LAMA5: variants seen among roughly 807,000 people sequenced by gnomAD.
LAMA5 encodes laminin subunit alpha 5.
A neutral mutation model predicts 433.4 loss-of-function variants in LAMA5; 260 were observed. That is an observed-to-expected ratio of 0.60 (90% CI 0.54 to 0.66). The LOEUF is 0.66. LAMA5 is among the 30% of genes least tolerant of loss of function. The pLI, the probability that LAMA5 is intolerant of heterozygous loss-of-function variation, is 0.00. For synonymous variants in LAMA5, 2,620 were observed against 2,226.6 expected (o/e 1.18, Z -4.97); for missense variants, 5,378 against 5,258.5 (o/e 1.02, Z -0.70).
At position 62,317,412 on chromosome 20, in the gene LAMA5, G is replaced by A. The variant is rs1476155092; in HGVS notation, c.7444C>T (p.Leu2482=). The A allele has an allele frequency of 1.2e-6, 2 of 1,608,188 alleles. No individual in the cohort carries two copies. Among genetic ancestry groups the A allele is most frequent in the African/African-American group, 2.7e-5 (2 of 74,812 alleles). ...GCCTCGGCGGCCTCCACTAGACGCA[G>A]CTTGCTGCCCGCCGGGGAGAAGGTC... ...MQTFSPAGSK[L]RLVEAAEAHA... is the part of the protein sequence containing the mutation. The change falls in exon 55 of 80, where the codon CTG becomes TTG. Residue 2482 remains leucine, a synonymous_variant. Coordinates refer to ENST00000252999, the MANE Select transcript of LAMA5 (RefSeq NM_005560.6).
chr20:62,354,501 G>A (rs1416749597), intron 2 of LAMA5, among the ~76,000 whole-genome samples: 5 of 151,980 alleles, frequency 3.3e-5, no homozygotes, highest in African/African-American at 1.2e-4. Context: ...ACACACACCC[G>A]CCCAACAGTG....
At chr20:62,366,880 T>G in intron 1 of LAMA5, 69 bp downstream of exon 1, 1 of 1,145,418 alleles carries the variant, frequency 8.7e-7, no homozygotes. Flanking sequence ...GCGCTCCCCC[T>G]GGGGTCGGGC....
At chr20:62,334,711 G>T (rs1981209161) in intron 20 of LAMA5, 90 bp from the exon 21 acceptor site, 8 of 1,108,510 alleles carry the variant, frequency 7.2e-6, no homozygotes, top group Non-Finnish European at 1.0e-5. Flanking sequence ...CCTGCCTGGG[G>T]CTCTCTGGAT....
chr20:62,330,825 G>A lies in LAMA5; in HGVS notation c.3770C>T (p.Ala1257Val), dbSNP rs777041530. The change falls in exon 30 of 80, where the codon GCC (alanine) becomes GTC (valine). Residue 1257 changes from alanine (A) to valine (V), a missense_variant. Physicochemically the swap from Ala to Val is moderately conservative, Grantham distance 64. Transcript: ENST00000252999. ...AGGTCGGGGTCCAGCTGGGGACATGGCTGGAGTGAGATCCTGCGCGTGGGT... is the reference window on the plus strand; with the variant it reads ...AGGTCGGGGTCCAGCTGGGGACATGACTGGAGTGAGATCCTGCGCGTGGGT... ...PLTHAQDLTP[A>V]MSPAGPRPRP... The A allele has an allele frequency of 1.9e-6, 3 of 1,546,000 alleles. No individual in the cohort carries two copies. Among genetic ancestry groups the A allele is most frequent in the East Asian group, 2.4e-5 (1 of 41,086 alleles).
Position 62,324,113 on chromosome 20 carries a change from C to A in LAMA5, c.5735G>T (p.Ser1912Ile). 6.6e-7 allele frequency: 1 copy of A among 1,520,088 alleles called. No homozygotes were observed. Among genetic ancestry groups the A allele is most frequent in the Non-Finnish European group, 8.8e-7 (1 of 1,136,818 alleles). 94.2% of individuals were successfully genotyped at this position (1,520,088 alleles called of 1,614,324 possible). ...AGGCACTGAGAGGGGGCAGGGGCAG[C>A]TGACACAGGGGGCGCTGGGGTCGTC... is the stretch of plus-strand genomic sequence containing the variant. ...SRDDPSAPCVSCPCPLSVPSN... is the reference protein window; with the variant it reads ...SRDDPSAPCVICPCPLSVPSN... The change falls in exon 43 of 80, where the codon AGC becomes ATC. Residue 1912 changes from serine to isoleucine, a missense_variant. By Grantham distance (142) the Ser-to-Ile change is moderately radical (BLOSUM62 -2). Transcript: ENST00000252999. The surrounding 1 kb of genome is among the most constrained non-coding windows in gnomAD (Gnocchi z 4.4).
chr20:62,317,454 G>C lies in LAMA5; in HGVS notation c.7402C>G (p.Leu2468Val), dbSNP rs1280447059. 21 of 1,590,260 alleles carry C rather than the reference G, an allele frequency of 1.3e-5. No homozygotes were observed. Among genetic ancestry groups the C allele is most frequent in the African/African-American group, 6.7e-5 (5 of 74,404 alleles). ...AASLDGARTP[L>V]LQRMQTFSPA... ...GAGAAGGTCTGCATCCTCTGCAGCA[G>C]TGGGGTCCGAGCCCCATCCAGGCTG... Residue 2468 changes from leucine (L) to valine (V), a missense_variant, in exon 55 of 80, where the codon CTG (leucine) becomes GTG (valine). Transcript: ENST00000252999.
chr20:62,366,247 C>T (rs1287392258), intron 1 of LAMA5, among the ~76,000 whole-genome samples: 1 of 152,216 alleles, frequency 6.6e-6, no homozygotes, highest in Non-Finnish European at 1.5e-5. Flanking sequence ...GGTGTCCATG[C>T]ATGGAGTCCA....
chr20:62,321,999 G>C lies in LAMA5; in HGVS notation c.6496+20C>G, dbSNP rs766518888. On this transcript the variant is annotated intron_variant, in intron 48 of 79. Coordinates refer to ENST00000252999, the MANE Select transcript of LAMA5 (RefSeq NM_005560.6). ...TTCCTACTCCATCAGGTGTGGGGAA[G>C]TGGGGTGTTGAGGACACACCTTCAC... 3.5e-5 allele frequency: 56 copies of C among 1,595,012 alleles called. No individual in the cohort carries two copies. Among genetic ancestry groups the C allele is most frequent in the Non-Finnish European group, 4.7e-5 (55 of 1,176,636 alleles).
rs768623312 is a variant in LAMA5, at chr20:62,322,063, A to G, written c.6452T>C (p.Val2151Ala). 1.2e-6 allele frequency: 2 copies of G among 1,600,202 alleles called. No individual in the cohort carries two copies. Among genetic ancestry groups the G allele is most frequent in the Non-Finnish European group, 1.7e-6 (2 of 1,179,468 alleles). ...GCCCACAGGCCCGCCTGGAACAGGC[A>G]CCTGATGCTGCTGGCTGCAGGTGTC... ...RCDTCSQQHQVPVPGGPVGHS... is the reference protein window; with the variant it reads ...RCDTCSQQHQAPVPGGPVGHS... The change falls in exon 48 of 80, where the codon GTG becomes GCG. Residue 2151 changes from valine (V) to alanine (A), a missense_variant. Physicochemically the swap from Val to Ala is moderately conservative, Grantham distance 64 (BLOSUM62 0). Transcript: ENST00000252999.
At chr20:62,317,243 C>G (rs559740707) in intron 55 of LAMA5, 102 bp downstream of exon 55, 1 of 1,308,880 alleles carries the variant, frequency 7.6e-7, no homozygotes, top group Non-Finnish European at 1.0e-6. Flanking sequence ...TTGAGGACAA[C>G]GGCCTCAGCC....
At position 62,320,706 on chromosome 20, in the gene LAMA5, G is replaced by A. The variant is rs753323352; in HGVS notation, c.6648+33C>T. ...GAAAGGTGAAGGCCTGCACTGGCCC[G>A]GGTTGGGGAGGGAAGGCCAGGACGC... is the stretch of plus-strand genomic sequence containing the variant. On this transcript the variant is annotated intron_variant, in intron 49 of 79. Transcript: ENST00000252999. 5.6e-5 allele frequency: 90 copies of A among 1,612,118 alleles called. No homozygotes were observed. The East Asian group carries it at 6.2e-4, about 11-fold the overall frequency.
intron 11 of LAMA5, among the ~76,000 whole-genome samples, chr20:62,340,669 A>G (rs541906957): frequency 3.3e-5 from 5 of 152,140 alleles, no homozygotes; most frequent in African/African-American, 9.7e-5. Flanking sequence ...TTCCTGTCCA[A>G]TGTTCCTGGA....
chr20:62,358,432 T>C (rs1053288110), intron 2 of LAMA5, among the ~76,000 whole-genome samples: 2 of 152,198 alleles, frequency 1.3e-5, no homozygotes, highest in Admixed American at 1.3e-4. Context: ...CTGCACTTCC[T>C]GTCCTTCCCT....
chr20:62,314,317 C>T lies in LAMA5; in HGVS notation c.8491G>A (p.Val2831Ile). Residue 2831 changes from valine to isoleucine, a missense_variant, in exon 62 of 80, where the codon GTC (valine) becomes ATC (isoleucine). Coordinates refer to ENST00000252999, the MANE Select transcript of LAMA5 (RefSeq NM_005560.6). ...TGGGCCTCCCACCTGTCCAGGCTGA[C>T]AGCTGCGAACTGCTCCCCAATGTCC... ...DEDIGEQFAA[V>I]SLDRTLQFGH... 6.2e-7 allele frequency: 1 copy of T among 1,613,174 alleles called. No individual in the cohort carries two copies. The highest frequency in any genetic ancestry group is 8.5e-7 in the Non-Finnish European group (1 of 1,179,834).
chr20:62,332,651 T>C lies in LAMA5; in HGVS notation c.3349A>G (p.Asn1117Asp). ...CCCACCTCCTGGCGGGCATCCTCAT[T>C]GGCGTACTCCACCACTAGGGCATAG... ...GRYALVVEYA[N>D]EDARQEVGVA... Residue 1117 changes from asparagine (N) to aspartate (D), a missense_variant, in exon 27 of 80, where the codon AAT becomes GAT. Coordinates refer to ENST00000252999, the MANE Select transcript of LAMA5 (RefSeq NM_005560.6). 1 of 1,609,254 alleles carries C rather than the reference T, an allele frequency of 6.2e-7. No individual in the cohort carries two copies. Among genetic ancestry groups the C allele is most frequent in the Non-Finnish European group, 8.5e-7 (1 of 1,178,454 alleles).
At chr20:62,326,623 C>G (rs1979333796) in intron 40 of LAMA5, 54 bp downstream of exon 40, 1 of 1,448,300 alleles carries the variant, frequency 6.9e-7, no homozygotes, top group Non-Finnish European at 9.6e-7. Flanking sequence ...TCCGGCCTTC[C>G]CAGATGAGCT....
intron 53 of LAMA5, 65 bp downstream of exon 53, chr20:62,318,389 G>C (rs1394840619): frequency 1.5e-6 from 2 of 1,291,742 alleles, no homozygotes; most frequent in Middle Eastern, 2.6e-4. Context: ...GAGCCGGAGA[G>C]GAGAGGGATT....
At chr20:62,319,464 T>C (rs1987424542) in intron 51 of LAMA5, among the ~76,000 whole-genome samples, 1 of 152,122 alleles carries the variant, frequency 6.6e-6, no homozygotes, top group African/African-American at 2.4e-5. Context: ...CTGGGGAGGC[T>C]GTCGAGGGGT....
In LAMA5 at chr20:62,310,031, G is replaced by A; in HGVS notation, c.10785C>T (p.Thr3595=). The A allele has an allele frequency of 1.9e-6, 3 of 1,611,376 alleles. No individual in the cohort carries two copies. Among genetic ancestry groups the A allele is most frequent in the Non-Finnish European group, 1.7e-6 (2 of 1,179,762 alleles). Residue 3595 remains threonine (T), a synonymous_variant, in exon 78 of 80, where the codon ACC becomes ACT. Transcript: ENST00000252999. The part of the protein sequence containing the change: ...DGAGEFSTSV[T]RPSVLCDGQW... ...GGCCATCACACAGCACTGAGGGGCG[G>A]GTCACTGACGTGGAGAACTCCCCTG... is the stretch of plus-strand genomic sequence containing the variant.
Sources: allele counts gnomAD v4.1 joint callset (sites outside exome capture counted in the v4.1 genomes callset), GRCh38; gene constraint gnomAD v4.1.1; non-coding constraint Gnocchi (gnomAD v3.1); transcripts MANE v1.5; gene names NCBI Gene and HGNC (gene_info 2026-07-23, HGNC 2026-07-21).